Variants in DLG2 observed in about 807,000 individuals in gnomAD.
The protein encoded by DLG2 is disks large homolog 2.
A neutral mutation model predicts 132.5 loss-of-function variants in DLG2; 45 were observed. The observed-to-expected ratio is 0.34, with a 90% confidence interval of 0.27 to 0.44. DLG2 has a LOEUF of 0.44. Ranked by LOEUF, DLG2 falls within the 20% of genes least tolerant of loss-of-function variation. DLG2 has a pLI of 1.00. For synonymous variants in DLG2, 424 were observed against 419.6 expected (o/e 1.01, Z -0.13); for missense variants, 1,045 against 1,196.9 (o/e 0.87, Z 1.87).
At chr11:83,491,978 G>GTAAA (rs1383841990) in intron 21 of DLG2, among the ~76,000 whole-genome samples, 1 of 152,066 alleles carries the variant, frequency 6.6e-6, no homozygotes, top group Non-Finnish European at 1.5e-5. Context: ...ATGTGTTTCT[G>GTAAA]TAAATAAGGT....
At chr11:85,146,222 T>A (rs1488237757) in intron 5 of DLG2, among the ~76,000 whole-genome samples, 1 of 94,122 alleles carries the variant, frequency 1.1e-5, no homozygotes, top group African/African-American at 4.2e-5. Flanking sequence ...GTATGTCTGT[T>A]TCTCCCTCTC....
intron 3 of DLG2, among the ~76,000 whole-genome samples, chr11:85,505,238 C>A (rs2093901324): frequency 6.6e-6 from 1 of 152,142 alleles, no homozygotes; most frequent in Non-Finnish European, 1.5e-5. Context: ...ATTACCCTGG[C>A]CAGAACTTCC....
At chr11:83,766,937 C>G (rs1002376921) in intron 18 of DLG2, among the ~76,000 whole-genome samples, 1 of 152,146 alleles carries the variant, frequency 6.6e-6, no homozygotes, top group Non-Finnish European at 1.5e-5. Flanking sequence ...GTCTTCAAAG[C>G]CAGCGATGCC....
At chr11:84,654,369 G>A (rs1032077138) in intron 6 of DLG2, among the ~76,000 whole-genome samples, 1 of 152,136 alleles carries the variant, frequency 6.6e-6, no homozygotes, top group African/African-American at 2.4e-5. Flanking sequence ...ATTCATAAAT[G>A]TTTTCTTAAA....
In DLG2 at chr11:84,788,100, CAAAAAAAA is replaced by C. The variant is rs139086655; in HGVS notation, c.358-253377_358-253370del. Reference sequence around the variant, plus strand: ...TGGGTGACAGAGTGTGAATATGTCTCAAAAAAAAAAAAAAAAAAAAAAAAAGAAGAAGA... The same window carrying C: ...TGGGTGACAGAGTGTGAATATGTCTCAAAAAAAAAAAAAAAAAGAAGAAGA... On this transcript the variant is annotated intron_variant, in intron 6 of 27. Transcript: ENST00000376104. Among the ~76,000 whole-genome samples the C allele has an allele frequency of 1.1e-3, 49 of 45,676 alleles. No individual in the cohort carries two copies. In the East Asian group the frequency reaches 0.015, roughly 14 times the overall value. The allele number at this position is 45,676 out of a possible 152,430, so 30.0% of individuals were successfully genotyped here. A position where few individuals can be genotyped will look rare whatever the true frequency, so the allele number is the denominator to read the frequency against.
intron 3 of DLG2, among the ~76,000 whole-genome samples, chr11:85,290,825 G>A (rs1024576349): frequency 6.6e-6 from 1 of 151,766 alleles, no homozygotes; most frequent in African/African-American, 2.4e-5. Flanking sequence ...AATGAGATCT[G>A]GTCTTCATAA....
At chr11:85,042,960 A>G (rs2062002696) in intron 6 of DLG2, among the ~76,000 whole-genome samples, 1 of 151,914 alleles carries the variant, frequency 6.6e-6, no homozygotes, top group Non-Finnish European at 1.5e-5. Flanking sequence ...TCTGGTTTTC[A>G]TATTTTGAAC....
At chr11:85,379,295 C>A (rs555661492) in intron 3 of DLG2, among the ~76,000 whole-genome samples, 129 of 152,234 alleles carry the variant, frequency 8.5e-4, no homozygotes, top group African/African-American at 3.0e-3. Context: ...GACGCTCCTC[C>A]CTAACAGCTG....
intron 6 of DLG2, among the ~76,000 whole-genome samples, chr11:84,781,946 G>C (rs1000342847): frequency 7.9e-5 from 12 of 152,100 alleles, no homozygotes; most frequent in African/African-American, 2.9e-4. Flanking sequence ...GATGCAAGAA[G>C]CAGAATTGAA....
intron 10 of DLG2, among the ~76,000 whole-genome samples, chr11:84,078,959 C>T (rs1271637221): frequency 6.6e-6 from 1 of 152,146 alleles, no homozygotes; most frequent in East Asian, 1.9e-4. Context: ...TCCAACTTTA[C>T]CTCTCCACCA....
intron 6 of DLG2, among the ~76,000 whole-genome samples, chr11:84,594,386 G>A (rs903010412): frequency 1.1e-4 from 16 of 152,056 alleles, no homozygotes; most frequent in African/African-American, 3.1e-4. Context: ...TATGTGTCTC[G>A]TCTAGACAAT....
chr11:85,543,005 T>C (rs2076071365), intron 3 of DLG2, among the ~76,000 whole-genome samples: 1 of 152,178 alleles, frequency 6.6e-6, no homozygotes, highest in Admixed American at 6.5e-5. Context: ...TTTTTAATTA[T>C]AATTTAAGTT....
intron 3 of DLG2, among the ~76,000 whole-genome samples, chr11:85,470,509 G>T (rs1325960487): frequency 6.6e-6 from 1 of 152,158 alleles, no homozygotes; most frequent in East Asian, 1.9e-4. Context: ...GATCACTTGA[G>T]ATCAGGAGTT....
At chr11:83,896,302 G>T (rs1483392) in intron 15 of DLG2, among the ~76,000 whole-genome samples, 47,207 of 152,024 alleles carry the variant, frequency 0.31, 8,041 homozygotes, top group African/African-American at 0.43. Flanking sequence ...AGTTACAGAG[G>T]TAGACGATTT....
chr11:83,637,833 T>C (rs757198867), intron 18 of DLG2, among the ~76,000 whole-genome samples: 2 of 152,116 alleles, frequency 1.3e-5, no homozygotes, highest in Non-Finnish European at 2.9e-5. Flanking sequence ...AACCTCAGGG[T>C]CTATCATTCT....
chr11:84,040,850 T>C (rs1392916345), intron 11 of DLG2, among the ~76,000 whole-genome samples: 1 of 152,014 alleles, frequency 6.6e-6, no homozygotes, highest in East Asian at 1.9e-4. Context: ...TTCCTACGCA[T>C]GAGCATGGAA....
chr11:84,148,868 C>G (rs1275167900), intron 9 of DLG2, among the ~76,000 whole-genome samples: 1 of 152,076 alleles, frequency 6.6e-6, no homozygotes, highest in Non-Finnish European at 1.5e-5. Context: ...CTCCACGTCC[C>G]TACCAACATC....
chr11:85,384,856 G>A (rs1403871914), intron 3 of DLG2, among the ~76,000 whole-genome samples: 1 of 152,130 alleles, frequency 6.6e-6, no homozygotes, highest in Non-Finnish European at 1.5e-5. Flanking sequence ...ACAGGCGTGA[G>A]CCACCCCACC....
At chr11:85,518,766 G>T (rs1455602111) in intron 3 of DLG2, among the ~76,000 whole-genome samples, 1 of 152,192 alleles carries the variant, frequency 6.6e-6, no homozygotes, top group Non-Finnish European at 1.5e-5. Context: ...AGGTCCGGAG[G>T]CCTAGGAGGA....
Sources: allele counts gnomAD v4.1 joint callset (sites outside exome capture counted in the v4.1 genomes callset), GRCh38; gene constraint gnomAD v4.1.1; transcripts MANE v1.5; gene names NCBI Gene and HGNC (gene_info 2026-07-23, HGNC 2026-07-21).